The following MECOM variants were observed in gnomAD, a reference collection of about 807,000 sequenced individuals.
MECOM encodes histone-lysine N-methyltransferase MECOM.
A neutral mutation model predicts 116.3 loss-of-function variants in MECOM; 13 were observed. That is an observed-to-expected ratio of 0.11 (90% CI 0.07 to 0.18). The LOEUF is 0.18. Among genes scored for constraint, MECOM ranks in the 10% least tolerant of loss-of-function variants. The pLI is 1.00. For synonymous variants in MECOM, 528 were observed against 535.2 expected, an observed-to-expected ratio of 0.99 and a Z score of 0.19; for missense variants, 1,299 against 1,509.0, an observed-to-expected ratio of 0.86 and a Z score of 2.31.
chr3:169,514,677 G>T (rs1016327817), intron 1 of MECOM, among the ~76,000 whole-genome samples: 1 of 152,162 alleles, frequency 6.6e-6, no homozygotes, highest in Admixed American at 6.5e-5. Context: ...TAGGACAGTT[G>T]CTGTCCTCAT....
intron 12 of MECOM, among the ~76,000 whole-genome samples, chr3:169,099,775 A>G (rs1181414074): frequency 6.6e-6 from 1 of 152,166 alleles, no homozygotes; most frequent in Non-Finnish European, 1.5e-5. Flanking sequence ...TTGAAGAAAT[A>G]TTTACGAGTA....
At chr3:169,490,577 TAA>T (rs1437215011) in intron 1 of MECOM, among the ~76,000 whole-genome samples, 1 of 151,898 alleles carries the variant, frequency 6.6e-6, no homozygotes, top group South Asian at 2.1e-4. Flanking sequence ...AGATGTTGAG[TAA>T]AAAAAAGCAA....
At position 169,115,967 on chromosome 3, in the gene MECOM, C is replaced by G. The variant is rs750442572; in HGVS notation, c.1905G>C (p.Lys635Asn). The change falls in exon 8 of 17, where the codon AAG becomes AAC. Residue 635 changes from lysine (K) to asparagine (N), a missense_variant. Lys to Asn is a moderately conservative substitution (Grantham distance 94, BLOSUM62 0). Coordinates refer to ENST00000651503, the MANE Select transcript of MECOM (RefSeq NM_004991.4). Reference sequence around the variant, plus strand: ...AAATGGAATGATTGCTGTATTCTTTCTTATTATTTATTGAAGCCAGATTCT... The same window carrying G: ...AAATGGAATGATTGCTGTATTCTTTGTTATTATTTATTGAAGCCAGATTCT... The part of the protein sequence containing the change: ...PLQNLASINN[K>N]KEYSNHSIFS... The G allele has an allele frequency of 6.2e-7, 1 of 1,614,136 alleles. No homozygotes were observed. Among genetic ancestry groups the G allele is most frequent in the South Asian group, 1.1e-5 (1 of 91,086 alleles).
At chr3:169,663,248 C>G (rs1476893308) in intron 1 of MECOM, 88 bp downstream of exon 1, 1 of 1,498,710 alleles carries the variant, frequency 6.7e-7, no homozygotes, top group Non-Finnish European at 9.1e-7. Context: ...CAAGAGGCAG[C>G]CCGCGCTCCC....
At chr3:169,285,578 T>A (rs945783018) in intron 2 of MECOM, among the ~76,000 whole-genome samples, 1 of 152,212 alleles carries the variant, frequency 6.6e-6, no homozygotes. Flanking sequence ...AGTGTGTGAC[T>A]GCAGTAAACA....
intron 2 of MECOM, among the ~76,000 whole-genome samples, chr3:169,328,266 CT>C (rs1342094795): frequency 2.0e-5 from 3 of 152,200 alleles, no homozygotes; most frequent in African/African-American, 7.2e-5. Context: ...CACTTTTCAC[CT>C]TCTCCGTTGA....
rs377356786 is a variant in MECOM at position 169,319,627 on chromosome 3, C to T, written c.375+61560G>A. On this transcript the variant is annotated intron_variant, in intron 2 of 16. Transcript: ENST00000651503. ...TTGGTCATATGGAAACAGATGTTAA[C>T]GGTTGGGAAGAAGAGAGAATTGTGT... is the stretch of plus-strand genomic sequence containing the variant. Among the ~76,000 whole-genome samples, 94 of 152,082 alleles carry T rather than the reference C, an allele frequency of 6.2e-4. No homozygotes were observed. The East Asian group carries it at 8.3e-3, about 13-fold the overall frequency.
chr3:169,242,089 A>T (rs1754895266), intron 2 of MECOM, among the ~76,000 whole-genome samples: 1 of 152,152 alleles, frequency 6.6e-6, no homozygotes, highest in African/African-American at 2.4e-5. Flanking sequence ...AAAGCTCCCC[A>T]TTGTGTTTAT....
chr3:169,327,087 G>C (rs1721957962), intron 2 of MECOM, among the ~76,000 whole-genome samples: 1 of 152,090 alleles, frequency 6.6e-6, no homozygotes, highest in African/African-American at 2.4e-5. Flanking sequence ...CCAATTCCAA[G>C]GTCAACTATA....
chr3:169,292,536 A>G (rs1361269768), intron 2 of MECOM, among the ~76,000 whole-genome samples: 1 of 152,134 alleles, frequency 6.6e-6, no homozygotes, highest in African/African-American at 2.4e-5. Context: ...GTGCAGGCTA[A>G]TTTAGGAGAT....
chr3:169,207,903 G>A (rs554738654), intron 2 of MECOM, among the ~76,000 whole-genome samples: 3 of 152,228 alleles, frequency 2.0e-5, no homozygotes, highest in Admixed American at 1.3e-4. Context: ...TGACCACGCT[G>A]ACGATGTGAA....
At position 169,618,882 on chromosome 3, in the gene MECOM, G is replaced by C. The variant is rs894233877; in HGVS notation, c.37+44454C>G. 5.9e-5 allele frequency among the ~76,000 whole-genome samples: 9 copies of C among 152,218 alleles called. No homozygotes were observed. The Middle Eastern group carries it at 0.01, about 173-fold the overall frequency. Reference sequence around the variant, plus strand: ...AAATACGTGAGCATTTCTCAAAGAAGATAGTAAAATCTAACACAAACTATA... The same window carrying C: ...AAATACGTGAGCATTTCTCAAAGAACATAGTAAAATCTAACACAAACTATA... On this transcript the variant is annotated intron_variant, in intron 1 of 16. Coordinates refer to ENST00000651503, the MANE Select transcript of MECOM (RefSeq NM_004991.4).
intron 2 of MECOM, among the ~76,000 whole-genome samples, chr3:169,194,751 GCAGT>G (rs1344114755): frequency 3.3e-5 from 5 of 152,056 alleles, no homozygotes; most frequent in Admixed American, 2.0e-4. Context: ...ACTCCAAGTT[GCAGT>G]CAGTCTTTCA....
At chr3:169,392,306 G>A (rs1272777556) in intron 1 of MECOM, among the ~76,000 whole-genome samples, 1 of 152,190 alleles carries the variant, frequency 6.6e-6, no homozygotes, top group African/African-American at 2.4e-5. Flanking sequence ...TTAAACAGAT[G>A]TCCCAGACTT....
chr3:169,176,580 CCA>C lies in MECOM; in HGVS notation c.376-32750_376-32749del, dbSNP rs1577257604. On this transcript the variant is annotated intron_variant, in intron 2 of 16. Transcript: ENST00000651503. ...GGGCAAAGACTTCATGATGAAAACACCAAAAGTAATTTCAAAAAAACCCAAAA... is the reference window on the plus strand; with the variant it reads ...GGGCAAAGACTTCATGATGAAAACACAAAGTAATTTCAAAAAAACCCAAAA... 3.3e-5 allele frequency among the ~76,000 whole-genome samples: 5 copies of C among 152,042 alleles called. No homozygotes were observed. In the East Asian group the frequency reaches 9.6e-4, roughly 29 times the overall value.
intron 1 of MECOM, among the ~76,000 whole-genome samples, chr3:169,582,290 A>G (rs1765212747): frequency 6.6e-6 from 1 of 152,150 alleles, no homozygotes; most frequent in Non-Finnish European, 1.5e-5. Context: ...GAGAAAGGAA[A>G]GGACTAAATA....
intron 1 of MECOM, among the ~76,000 whole-genome samples, chr3:169,475,066 C>T (rs1750131894): frequency 6.7e-6 from 1 of 148,566 alleles, no homozygotes; most frequent in Admixed American, 7.0e-5. Context: ...GGCCAACAGT[C>T]TGAATTACTA....
At chr3:169,265,092 C>T (rs556201551) in intron 2 of MECOM, among the ~76,000 whole-genome samples, 135 of 152,040 alleles carry the variant, frequency 8.9e-4, no homozygotes, top group Non-Finnish European at 1.7e-3. Context: ...TAAATCAACC[C>T]GAATTTGAAG....
At chr3:169,182,388 G>T (rs1035002772) in intron 2 of MECOM, among the ~76,000 whole-genome samples, 3 of 152,178 alleles carry the variant, frequency 2.0e-5, no homozygotes, top group Non-Finnish European at 4.4e-5. Flanking sequence ...CCAGCAATCT[G>T]CATTTTAAAA....
Sources: gnomAD v4.1 joint callset for allele counts (sites outside exome capture counted in the v4.1 genomes callset) on GRCh38, gnomAD v4.1.1 for gene constraint, MANE v1.5 for transcripts, NCBI Gene and HGNC (gene_info 2026-07-23, HGNC 2026-07-21) for gene names.